The following COLEC11 variants were observed in gnomAD, a reference collection of about 807,000 sequenced individuals.
The protein encoded by COLEC11 is collectin-11.
Under a neutral mutation model 27.3 loss-of-function variants are expected in COLEC11, and 20 were observed. The observed-to-expected ratio is 0.73, with a 90% CI of 0.51 to 1.06. The LOEUF (loss-of-function observed/expected upper bound fraction) is 1.06, where lower values mean the gene tolerates loss of function less well. Ranked by LOEUF, COLEC11 falls within the 50% of genes least tolerant of loss-of-function variation. The pLI is 0.00. For missense variants in COLEC11, 310 were observed against 383.0 expected (o/e 0.81, Z 1.59); for synonymous variants, 163 against 154.7 (o/e 1.05, Z -0.40).
Position 3,617,453 on chromosome 2 carries a change from C to A in COLEC11, c.202+4071C>A, listed in dbSNP as rs1224566448. The A allele has an allele frequency of 4.8e-6, 6 of 1,262,882 alleles. No individual in the cohort carries two copies. In the African/African-American group the frequency reaches 9.0e-5, roughly 19 times the overall value. The allele number at this position is 1,262,882 out of a possible 1,614,324, so 78.2% of individuals were successfully genotyped here. A position where few individuals can be genotyped will look rare whatever the true frequency, so the allele number is the denominator to read the frequency against. ...CACAGTCATTTAAACTTGATCCAATCTCTTTGCATCTTACAAAGCTAAACA... is the reference window on the plus strand; with the variant it reads ...CACAGTCATTTAAACTTGATCCAATATCTTTGCATCTTACAAAGCTAAACA... On this transcript the variant is annotated intron_variant, in intron 3 of 6. Coordinates refer to ENST00000349077, the MANE Select transcript of COLEC11 (RefSeq NM_024027.5).
intron 3 of COLEC11, chr2:3,626,026 G>A (rs778542328): frequency 4.3e-6 from 7 of 1,614,058 alleles, no homozygotes; most frequent in Middle Eastern, 1.6e-4. Flanking sequence ...GTCACAGCCA[G>A]TCGTGACAGC....
At chr2:3,623,942 C>T (rs1463681645) in intron 3 of COLEC11, among the ~76,000 whole-genome samples, 1 of 152,138 alleles carries the variant, frequency 6.6e-6, no homozygotes, top group Non-Finnish European at 1.5e-5. Flanking sequence ...CTCCTCTAGT[C>T]TTTATGGACT....
chr2:3,609,099 A>G (rs1662966768), intron 2 of COLEC11, among the ~76,000 whole-genome samples: 1 of 152,246 alleles, frequency 6.6e-6, no homozygotes, highest in Admixed American at 6.5e-5. Context: ...CTGGCCCTGT[A>G]CAACTACAGA....
intron 3 of COLEC11, among the ~76,000 whole-genome samples, chr2:3,614,993 G>C (rs1663542541): frequency 6.6e-6 from 1 of 152,000 alleles, no homozygotes. Flanking sequence ...TCTACACCCA[G>C]CTAAACTATC....
At chr2:3,635,901 C>T (rs1033289266) in intron 3 of COLEC11, among the ~76,000 whole-genome samples, 4 of 152,248 alleles carry the variant, frequency 2.6e-5, no homozygotes, top group Non-Finnish European at 5.9e-5. Context: ...TAAGAGAATG[C>T]ATGTGAACGT....
intron 2 of COLEC11, among the ~76,000 whole-genome samples, chr2:3,608,118 C>T (rs1662881846): frequency 6.6e-6 from 1 of 152,216 alleles, no homozygotes; most frequent in Non-Finnish European, 1.5e-5. Flanking sequence ...AACTGACATG[C>T]GCCTTCCTAG....
At chr2:3,610,419 A>G (rs1663096917) in intron 2 of COLEC11, among the ~76,000 whole-genome samples, 1 of 152,200 alleles carries the variant, frequency 6.6e-6, no homozygotes, top group Non-Finnish European at 1.5e-5. Flanking sequence ...GTTGGGTGAG[A>G]TGGAGCTGTG....
chr2:3,613,252 C>T (rs1663371630), intron 2 of COLEC11, 59 bp from the exon 3 acceptor site: 1 of 1,539,744 alleles, frequency 6.5e-7, no homozygotes. Flanking sequence ...CTCCACAAAT[C>T]ACTCTGAGAC....
chr2:3,630,018 T>C (rs943374588), intron 3 of COLEC11, among the ~76,000 whole-genome samples: 1 of 151,930 alleles, frequency 6.6e-6, no homozygotes, highest in Non-Finnish European at 1.5e-5. Flanking sequence ...CATGCATATG[T>C]GTATGTATGT....
At chr2:3,596,477 C>G (rs1558480837) in intron 1 of COLEC11, among the ~76,000 whole-genome samples, 2 of 151,874 alleles carry the variant, frequency 1.3e-5, no homozygotes, top group Non-Finnish European at 2.9e-5. Context: ...GCTGGGATTA[C>G]AGGTGTGCAT....
chr2:3,629,110 A>C (rs1487206082), intron 3 of COLEC11, among the ~76,000 whole-genome samples: 1 of 152,204 alleles, frequency 6.6e-6, no homozygotes, highest in Non-Finnish European at 1.5e-5. Flanking sequence ...TCTTGTTCTC[A>C]TCTGCTGTCC....
chr2:3,605,203 G>T (rs1662549452), intron 2 of COLEC11: 2 of 445,518 alleles, frequency 4.5e-6, no homozygotes, highest in Admixed American at 2.6e-5. Context: ...CCCAAGAAGG[G>T]ACAGCAGAGT....
chr2:3,602,605 T>C lies in COLEC11; in HGVS notation c.-26-1710T>C, dbSNP rs993472124. Among the ~76,000 whole-genome samples, 2 of 152,186 alleles carry C rather than the reference T, an allele frequency of 1.3e-5. No individual in the cohort carries two copies. Among genetic ancestry groups the C allele is most frequent in the Non-Finnish European group, 2.9e-5 (2 of 68,024 alleles). On this transcript the variant is annotated intron_variant, in intron 1 of 6. Transcript: ENST00000349077. This position sits in a 1 kb window ranked among gnomAD's most constrained non-coding sequence, Gnocchi z 6.2. ...CCCTGGCTTGGTCTCCTTGCTTCCG[T>C]TGCTGTTCCCCTAAGTCCCGTCTCA...
At chr2:3,622,790 T>G (rs1211218745) in intron 3 of COLEC11, among the ~76,000 whole-genome samples, 1 of 152,172 alleles carries the variant, frequency 6.6e-6, no homozygotes, top group Non-Finnish European at 1.5e-5. Flanking sequence ...CCTCTAGAAC[T>G]GTAAAAAAGA....
At chr2:3,621,161 C>T (rs1362034827) in intron 3 of COLEC11, among the ~76,000 whole-genome samples, 1 of 152,106 alleles carries the variant, frequency 6.6e-6, no homozygotes, top group Non-Finnish European at 1.5e-5. Context: ...ATCTGTTTGC[C>T]CTTCAGATCT....
At chr2:3,612,621 G>T (rs541226681) in intron 2 of COLEC11, among the ~76,000 whole-genome samples, 1 of 152,162 alleles carries the variant, frequency 6.6e-6, no homozygotes, top group Non-Finnish European at 1.5e-5. Flanking sequence ...GGATTAGAGT[G>T]GGGGGAGAAG....
At chr2:3,605,170 G>T in intron 2 of COLEC11, 1 of 460,830 alleles carries the variant, frequency 2.2e-6, no homozygotes, top group Non-Finnish European at 4.5e-6. Flanking sequence ...GAAAATGTGG[G>T]CCCCTTGTTC....
rs769374525 is a variant in COLEC11 at position 3,643,517 on chromosome 2, C to T, written c.402C>T (p.Ser134=). The T allele has an allele frequency of 1.8e-5, 29 of 1,613,686 alleles. No homozygotes were observed. The highest frequency in any genetic ancestry group is 5.3e-5 in the African/African-American group (4 of 74,934). ...EMDNQVSQLT[S]ELKFIKNAVA... ...ACAACCAGGTCTCTCAGCTGACCAG[C>T]GAGCTCAAGTTCATCAAGAATGGTA... The change falls in exon 6 of 7, where the codon AGC becomes AGT. Residue 134 remains serine (S), a synonymous_variant. Coordinates refer to ENST00000349077, the MANE Select transcript of COLEC11 (RefSeq NM_024027.5).
intron 3 of COLEC11, among the ~76,000 whole-genome samples, chr2:3,631,991 G>C (rs1170171007): frequency 6.6e-6 from 1 of 152,208 alleles, no homozygotes; most frequent in Admixed American, 6.5e-5. Flanking sequence ...CACAGTGGGG[G>C]TGCAGGGTTT....
Sources: gnomAD v4.1 joint callset for allele counts (sites outside exome capture counted in the v4.1 genomes callset) on GRCh38, gnomAD v4.1.1 for gene constraint, Gnocchi (gnomAD v3.1) non-coding constraint, MANE v1.5 for transcripts, NCBI Gene and HGNC (gene_info 2026-07-23, HGNC 2026-07-21) for gene names.